ABRAXAS1: variants seen among roughly 807,000 people sequenced by gnomAD.
The protein encoded by ABRAXAS1 is abraxas 1, BRCA1 A complex subunit.
In ABRAXAS1, 26 loss-of-function variants were observed where a neutral mutation model predicts 38.4. The observed-to-expected ratio is 0.68, with a 90% CI of 0.50 to 0.94. The LOEUF is 0.94. ABRAXAS1 is among the 40% of genes least tolerant of loss of function. The pLI is 0.00. For missense variants in ABRAXAS1, 438 were observed against 481.9 expected (o/e 0.91, Z 0.85); for synonymous variants, 144 against 165.5 (o/e 0.87, Z 1.00).
intron 2 of ABRAXAS1, chr4:83,478,172 A>C: frequency 1.4e-6 from 1 of 730,388 alleles, no homozygotes. Flanking sequence ...CTTTGTTTCC[A>C]GCTTTACATA....
chr4:83,484,936 G>A (rs1437665742), intron 1 of ABRAXAS1, 50 bp downstream of exon 1: 1 of 1,468,164 alleles, frequency 6.8e-7, no homozygotes, highest in East Asian at 2.7e-5. Flanking sequence ...CAGGCCGCGC[G>A]CAGGGCTCTT....
chr4:83,461,153 T>C lies in ABRAXAS1; in HGVS notation c.*1316A>G, dbSNP rs374255332. 1 of 1,613,294 alleles carries C rather than the reference T, an allele frequency of 6.2e-7. No homozygotes were observed. The highest frequency in any genetic ancestry group is 8.5e-7 in the Non-Finnish European group (1 of 1,179,806). On this transcript the variant is annotated 3_prime_UTR_variant, in exon 9 of 9. Transcript: ENST00000321945. ...GCCAGTTACATACAAGGATCCTGCA[T>C]ATCTCAAGGACCCTAAAGTTTGTAA...
intron 2 of ABRAXAS1, chr4:83,478,303 A>G: frequency 1.6e-6 from 1 of 639,808 alleles, no homozygotes; most frequent in Admixed American, 1.8e-5. Context: ...GTATTTTAAA[A>G]ATGTGGAAAC....
intron 2 of ABRAXAS1, chr4:83,478,730 A>G (rs1722875883): frequency 1.7e-5 from 3 of 176,530 alleles, no homozygotes; most frequent in Admixed American, 1.7e-4. Flanking sequence ...GGTTAAATGT[A>G]ACTGGTTGGG....
At chr4:83,483,929 A>G (rs888545414) in intron 1 of ABRAXAS1, 3 of 673,462 alleles carry the variant, frequency 4.5e-6, no homozygotes, top group African/African-American at 3.9e-5. Context: ...AAATGGTCAT[A>G]TATTTGTTCT....
chr4:83,484,340 A>C (rs1285874615), intron 1 of ABRAXAS1, among the ~76,000 whole-genome samples: 1 of 152,248 alleles, frequency 6.6e-6, no homozygotes, highest in Non-Finnish European at 1.5e-5. Flanking sequence ...ACAGGACATT[A>C]ACTACTTCCG....
intron 1 of ABRAXAS1, chr4:83,484,101 CA>C: frequency 1.1e-6 from 1 of 940,384 alleles, no homozygotes; most frequent in Non-Finnish European, 1.3e-6. Context: ...CTCGTGGGCT[CA>C]GGTGATTCAC....
intron 3 of ABRAXAS1, among the ~76,000 whole-genome samples, chr4:83,475,196 A>C (rs1374476378): frequency 2.0e-5 from 3 of 152,136 alleles, no homozygotes; most frequent in Non-Finnish European, 4.4e-5. Flanking sequence ...TCCTTCAATA[A>C]AGTCCTTTTT....
At chr4:83,482,008 G>T in intron 2 of ABRAXAS1, 146 bp downstream of exon 2, 4 of 511,090 alleles carry the variant, frequency 7.8e-6, no homozygotes, top group Non-Finnish European at 1.4e-5. Flanking sequence ...GCCTCCCAAA[G>T]TGCTGGGATT....
chr4:83,476,762 C>T (rs187110629), intron 2 of ABRAXAS1, 83 bp from the exon 3 acceptor site: 65 of 848,298 alleles, frequency 7.7e-5, no homozygotes, highest in African/African-American at 3.5e-4. Flanking sequence ...CTTTACCTCA[C>T]GCCAGGAAGT....
intron 5 of ABRAXAS1, 90 bp from the exon 6 acceptor site, chr4:83,469,241 A>C (rs1722495018): frequency 1.7e-6 from 2 of 1,147,856 alleles, no homozygotes; most frequent in Non-Finnish European, 2.6e-6. Context: ...CCCCTACAAG[A>C]TTTAAAAAAA....
At chr4:83,465,981 A>G (rs2110036119) in intron 7 of ABRAXAS1, among the ~76,000 whole-genome samples, 1 of 152,322 alleles carries the variant, frequency 6.6e-6, no homozygotes, top group Admixed American at 6.5e-5. Context: ...TAGTTGACTT[A>G]ACAGCCCCAG....
chr4:83,478,315 T>C (rs140463083), intron 2 of ABRAXAS1: 7,726 of 627,626 alleles, frequency 0.012, 211 homozygotes, highest in Admixed American at 0.081. Flanking sequence ...TGTGGAAACA[T>C]GAGGGCTTTT....
At chr4:83,467,975 T>C (rs961073318) in intron 6 of ABRAXAS1, among the ~76,000 whole-genome samples, 5 of 152,106 alleles carry the variant, frequency 3.3e-5, no homozygotes, top group Non-Finnish European at 5.9e-5. Flanking sequence ...AGGCATGACT[T>C]GTAGGACATC....
At chr4:83,463,956 T>C (rs2004050) in intron 7 of ABRAXAS1, 71,578 of 154,548 alleles carry the variant, frequency 0.46, 17,216 homozygotes, top group East Asian at 0.67. Context: ...GAGGCTGAGG[T>C]GGGTAGACTA....
At chr4:83,476,598 G>A (rs1269148362) in intron 3 of ABRAXAS1, 45 bp downstream of exon 3, 2 of 1,302,366 alleles carry the variant, frequency 1.5e-6, no homozygotes, top group Non-Finnish European at 1.1e-6. Flanking sequence ...CTTGCAGAGA[G>A]TAATTTTCAC....
Position 83,460,598 on chromosome 4 carries a change from A to G in ABRAXAS1, c.*1871T>C, listed in dbSNP as rs72931487. The G allele has an allele frequency of 0.067, 14,388 of 215,450 alleles. 2,151 individuals are homozygous for G. Among genetic ancestry groups the G allele is most frequent in the African/African-American group, 0.32 (13,348 of 41,848 alleles). The allele number at this position is 215,450 out of a possible 1,614,324, so 13.3% of individuals were successfully genotyped here. A position where few individuals can be genotyped will look rare whatever the true frequency, so the allele number is the denominator to read the frequency against. On this transcript the variant is annotated 3_prime_UTR_variant, in exon 9 of 9. Coordinates refer to ENST00000321945, the MANE Select transcript of ABRAXAS1 (RefSeq NM_139076.3). ...GGCCCTTGACAAAAATGATTTACCA[A>G]TCCTTGACTTAAAAACTTGTTGAGG... is the stretch of plus-strand genomic sequence containing the variant.
chr4:83,481,523 C>G (rs1447808343), intron 2 of ABRAXAS1, among the ~76,000 whole-genome samples: 1 of 152,042 alleles, frequency 6.6e-6, no homozygotes, highest in African/African-American at 2.4e-5. Context: ...TCTCATCTTC[C>G]AACTTTTCTG....
intron 1 of ABRAXAS1, among the ~76,000 whole-genome samples, chr4:83,483,524 C>T (rs1288812693): frequency 1.3e-5 from 2 of 152,058 alleles, no homozygotes; most frequent in African/African-American, 2.4e-5. Flanking sequence ...CTCAAATGAT[C>T]CTCCTGCCTC....
Sources: allele counts gnomAD v4.1 joint callset (sites outside exome capture counted in the v4.1 genomes callset), GRCh38; gene constraint gnomAD v4.1.1; transcripts MANE v1.5; gene names NCBI Gene and HGNC (gene_info 2026-07-23, HGNC 2026-07-21).